MAST2: variants seen among roughly 807,000 people sequenced by gnomAD.
The protein encoded by MAST2 is microtubule associated serine/threonine kinase 2.
In MAST2, 70 loss-of-function variants were observed where a neutral mutation model predicts 147.4. The ratio of observed to expected loss-of-function variants is 0.47; its 90% confidence interval spans 0.39 to 0.58. The LOEUF (loss-of-function observed/expected upper bound fraction) is 0.58. Ranked by LOEUF, MAST2 falls within the 20% of genes least tolerant of loss-of-function variation. The pLI is 0.00. For missense variants in MAST2, 2,080 were observed against 2,302.3 expected (o/e 0.90, Z 1.98); for synonymous variants, 869 against 896.8 (o/e 0.97, Z 0.55).
intron 4 of MAST2, among the ~76,000 whole-genome samples, chr1:45,940,374 C>G (rs1657063754): frequency 6.6e-6 from 1 of 152,034 alleles, no homozygotes; most frequent in Admixed American, 6.6e-5. Flanking sequence ...AAATTTATTT[C>G]TAAGTATTTT....
intron 3 of MAST2, among the ~76,000 whole-genome samples, chr1:45,878,839 C>T (rs1208210986): frequency 3.3e-5 from 5 of 151,304 alleles, no homozygotes; most frequent in Middle Eastern, 3.2e-3. Context: ...TTAAAGAACT[C>T]GGTAAATGGA....
At chr1:45,899,265 A>G (rs1351250877) in intron 4 of MAST2, among the ~76,000 whole-genome samples, 5 of 151,382 alleles carry the variant, frequency 3.3e-5, no homozygotes, top group Non-Finnish European at 7.4e-5. Context: ...CTGCTGAAGC[A>G]ATAGAAATTA....
chr1:45,839,474 T>C (rs1237019754), intron 3 of MAST2, among the ~76,000 whole-genome samples: 1 of 152,170 alleles, frequency 6.6e-6, no homozygotes, highest in African/African-American at 2.4e-5. Context: ...GGTTTCGCCA[T>C]GTTGCCCAGG....
At chr1:45,876,860 G>T (rs1646627933) in intron 3 of MAST2, among the ~76,000 whole-genome samples, 1 of 152,116 alleles carries the variant, frequency 6.6e-6, no homozygotes, top group African/African-American at 2.4e-5. Flanking sequence ...GCAGAGAGGG[G>T]CATATATGCA....
rs773871545 is a variant in MAST2 at position 46,035,428 on chromosome 1, C to G, written c.4759C>G (p.Gln1587Glu). The G allele has an allele frequency of 6.2e-7, 1 of 1,612,274 alleles. No individual in the cohort carries two copies. Among genetic ancestry groups the G allele is most frequent in the Non-Finnish European group, 8.5e-7 (1 of 1,179,672 alleles). The change falls in exon 29 of 29, where the codon CAA becomes GAA. Residue 1587 changes from glutamine to glutamate, a missense_variant. By Grantham distance (29) the Gln-to-Glu change is conservative. Transcript: ENST00000361297. This position sits in a 1 kb window ranked among gnomAD's most constrained non-coding sequence, Gnocchi z 5.5. ...TCCCCACAGGAGGCTCGGGAGCCCA[C>G]AAGCCATTGAGGAGGCTGCCAGCTC... is the stretch of plus-strand genomic sequence containing the variant. Reference protein sequence around the residue: ...SGPHRRLGSPQAIEEAASSSS... With the variant: ...SGPHRRLGSPEAIEEAASSSS...
chr1:45,834,776 T>TG (rs1051743308), intron 3 of MAST2, among the ~76,000 whole-genome samples: 4 of 152,156 alleles, frequency 2.6e-5, no homozygotes, highest in African/African-American at 9.7e-5. Context: ...GGTCAGTTCC[T>TG]GCTTTGCTTT....
chr1:45,894,068 T>C (rs565701967), intron 4 of MAST2, among the ~76,000 whole-genome samples: 1 of 152,046 alleles, frequency 6.6e-6, no homozygotes, highest in African/African-American at 2.4e-5. Context: ...ATGTAAAAGT[T>C]AGCTGGACGT....
intron 1 of MAST2, among the ~76,000 whole-genome samples, chr1:45,823,879 G>C (rs1042466172): frequency 6.6e-6 from 1 of 152,092 alleles, no homozygotes; most frequent in African/African-American, 2.4e-5. Flanking sequence ...TGTTGGAGTG[G>C]AATGGGAAGG....
At chr1:45,855,509 A>G (rs1052888676) in intron 3 of MAST2, among the ~76,000 whole-genome samples, 5 of 152,028 alleles carry the variant, frequency 3.3e-5, no homozygotes, top group Admixed American at 3.3e-4. Context: ...GCTGCTTGCC[A>G]GGAACAGTCT....
chr1:46,032,260 A>G lies in MAST2; in HGVS notation c.3270A>G (p.Pro1090=), dbSNP rs1422338438. 6.2e-7 allele frequency: 1 copy of G among 1,614,202 alleles called. No homozygotes were observed. The highest frequency in any genetic ancestry group is 2.2e-5 in the East Asian group (1 of 44,872). ...ACCCATCATCCCGGGACTCTTCTCCAAGCAGGGACTTCTTGCCAGCCCTTG... is the reference window on the plus strand; with the variant it reads ...ACCCATCATCCCGGGACTCTTCTCCGAGCAGGGACTTCTTGCCAGCCCTTG... ...SSNPSSRDSS[P]SRDFLPALGS... The change falls in exon 25 of 29, where the codon CCA becomes CCG. Residue 1090 remains proline, a synonymous_variant. Coordinates refer to ENST00000361297, the MANE Select transcript of MAST2 (RefSeq NM_015112.3).
chr1:46,000,143 A>T (rs1487191676), intron 6 of MAST2, among the ~76,000 whole-genome samples: 1 of 152,124 alleles, frequency 6.6e-6, no homozygotes, highest in Non-Finnish European at 1.5e-5. Context: ...GTGAAACACC[A>T]TCTCTACTAA....
At chr1:46,025,650 C>T (rs765187232) in intron 15 of MAST2, 27 bp from the exon 16 acceptor site, 29 of 1,613,602 alleles carry the variant, frequency 1.8e-5, no homozygotes, top group Non-Finnish European at 2.3e-5. Flanking sequence ...TGAATCCTTT[C>T]CTCATGGTAG....
chr1:45,894,170 C>G (rs1301546833), intron 4 of MAST2, among the ~76,000 whole-genome samples: 3 of 151,440 alleles, frequency 2.0e-5, no homozygotes, highest in African/African-American at 7.3e-5. Context: ...GAACTGAGAT[C>G]ATGCCACTGC....
chr1:45,836,669 A>C (rs1645110887), intron 3 of MAST2, among the ~76,000 whole-genome samples: 1 of 152,138 alleles, frequency 6.6e-6, no homozygotes, highest in African/African-American at 2.4e-5. Flanking sequence ...AGATATCTAT[A>C]TCTATATGTC....
intron 4 of MAST2, among the ~76,000 whole-genome samples, chr1:45,891,008 AG>A (rs1647679614): frequency 7.2e-6 from 1 of 139,480 alleles, no homozygotes; most frequent in Admixed American, 7.2e-5. Flanking sequence ...ACTCATTGTT[AG>A]TAAGGAAATC....
intron 4 of MAST2, among the ~76,000 whole-genome samples, chr1:45,927,737 A>G (rs577274990): frequency 7.1e-4 from 108 of 152,332 alleles, no homozygotes; most frequent in African/African-American, 2.6e-3. Context: ...CATCCTTTTC[A>G]GCTGACAGGA....
At chr1:45,977,510 A>G (rs1644216513) in intron 5 of MAST2, among the ~76,000 whole-genome samples, 1 of 139,810 alleles carries the variant, frequency 7.2e-6, no homozygotes, top group Non-Finnish European at 1.5e-5. Context: ...CAAACAAACA[A>G]ACAAAAAGGC....
chr1:46,031,507 G>A lies in MAST2; in HGVS notation c.3109G>A (p.Glu1037Lys). ...RHRLLSGDST[E>K]KRTARPVNKV... ...CCGGCTGCTCTCTGGGGACTCAACA[G>A]AGAAGCGCACTGCTCGCCCTGTCAA... The change falls in exon 24 of 29, where the codon GAG (glutamate) becomes AAG (lysine). Residue 1037 changes from glutamate (E) to lysine (K), a missense_variant. By Grantham distance (56) the Glu-to-Lys change is moderately conservative. Transcript: ENST00000361297. The surrounding 1 kb of genome is among the most constrained non-coding windows in gnomAD (Gnocchi z 4.1). The A allele has an allele frequency of 6.2e-7, 1 of 1,614,198 alleles. No individual in the cohort carries two copies. The highest frequency in any genetic ancestry group is 8.5e-7 in the Non-Finnish European group (1 of 1,180,024).
chr1:45,931,491 T>C (rs559736722), intron 4 of MAST2, among the ~76,000 whole-genome samples: 5 of 145,644 alleles, frequency 3.4e-5, no homozygotes, highest in Non-Finnish European at 7.6e-5. Flanking sequence ...CCAGCCTCTT[T>C]TGTTGTTTTT....
Sources: allele counts gnomAD v4.1 joint callset (sites outside exome capture counted in the v4.1 genomes callset), GRCh38; gene constraint gnomAD v4.1.1; non-coding constraint Gnocchi (gnomAD v3.1); transcripts MANE v1.5; gene names NCBI Gene and HGNC (gene_info 2026-07-23, HGNC 2026-07-21).